The following KCNMB4 variants were observed in gnomAD, a reference collection of about 807,000 sequenced individuals.
KCNMB4 encodes calcium-activated potassium channel subunit beta-4.
In KCNMB4, 3 loss-of-function variants were observed where a neutral mutation model predicts 20.7. The ratio of observed to expected loss-of-function variants is 0.14; its 90% CI spans 0.07 to 0.37. The LOEUF is 0.37. Ranked by LOEUF, KCNMB4 falls within the 10% of genes least tolerant of loss-of-function variation. The pLI, the probability that KCNMB4 is intolerant of heterozygous loss-of-function variation, is 1.00. For missense variants in KCNMB4, 168 were observed against 265.9 expected (o/e 0.63, Z 2.56); for synonymous variants, 110 against 113.4 (o/e 0.97, Z 0.19).
In KCNMB4 at chr12:70,433,675, G is replaced by A. The variant is rs1429183931; in HGVS notation, c.*3022G>A. Reference sequence around the variant, plus strand: ...ACTAGAGTTAAAGACAAAAATGATAGCAGCCAATGGCCCATGCCGTGATAA... The same window carrying A: ...ACTAGAGTTAAAGACAAAAATGATAACAGCCAATGGCCCATGCCGTGATAA... On this transcript the variant is annotated 3_prime_UTR_variant, in exon 3 of 3. Coordinates refer to ENST00000258111, the MANE Select transcript of KCNMB4 (RefSeq NM_014505.6). 6.6e-6 allele frequency: 1 copy of A among 152,270 alleles called. No homozygotes were observed. Among genetic ancestry groups the A allele is most frequent in the Non-Finnish European group, 1.5e-5 (1 of 68,058 alleles). 9.4% of individuals were successfully genotyped at this position (152,270 alleles called of 1,614,324 possible). A position where few individuals can be genotyped will look rare whatever the true frequency, so the allele number is the denominator to read the frequency against.
intron 1 of KCNMB4, among the ~76,000 whole-genome samples, chr12:70,372,716 G>A (rs1883619245): frequency 6.6e-6 from 1 of 152,198 alleles, no homozygotes; most frequent in Non-Finnish European, 1.5e-5. Context: ...GAATCCATGA[G>A]CCTCTGTCCT....
intron 2 of KCNMB4, among the ~76,000 whole-genome samples, chr12:70,428,313 G>A (rs896251633): frequency 6.6e-6 from 1 of 152,180 alleles, no homozygotes; most frequent in African/African-American, 2.4e-5. Context: ...ATTTTAAAAT[G>A]TACACTTCAG....
chr12:70,409,650 C>T (rs1180368094), intron 2 of KCNMB4, among the ~76,000 whole-genome samples: 4 of 152,136 alleles, frequency 2.6e-5, no homozygotes, highest in Non-Finnish European at 1.5e-5. Context: ...GAGGATGCTG[C>T]TATGAGATAT....
chr12:70,423,623 G>A (rs981021130), intron 2 of KCNMB4, among the ~76,000 whole-genome samples: 2 of 152,056 alleles, frequency 1.3e-5, no homozygotes, highest in African/African-American at 2.4e-5. Flanking sequence ...GACTACAGGC[G>A]TATGCCACCA....
chr12:70,381,231 A>G (rs1310392700), intron 1 of KCNMB4, among the ~76,000 whole-genome samples: 1 of 152,212 alleles, frequency 6.6e-6, no homozygotes, highest in African/African-American at 2.4e-5. Flanking sequence ...TGGCTGTAAA[A>G]AAGACAATAA....
chr12:70,421,614 C>T (rs1262903944), intron 2 of KCNMB4, among the ~76,000 whole-genome samples: 4 of 149,952 alleles, frequency 2.7e-5, no homozygotes, highest in Non-Finnish European at 5.9e-5. Context: ...CAGAGTCTCG[C>T]TCTGTCGCCC....
At chr12:70,416,900 G>T (rs989587737) in intron 2 of KCNMB4, among the ~76,000 whole-genome samples, 6 of 152,128 alleles carry the variant, frequency 3.9e-5, no homozygotes, top group Admixed American at 3.9e-4. Flanking sequence ...AAACCGGTGT[G>T]TAATACACTT....
intron 1 of KCNMB4, among the ~76,000 whole-genome samples, chr12:70,377,190 A>G (rs1161915161): frequency 6.6e-6 from 1 of 152,182 alleles, no homozygotes; most frequent in African/African-American, 2.4e-5. Context: ...ATTCACACGG[A>G]AATGCAAGAG....
chr12:70,415,241 G>C (rs565275169), intron 2 of KCNMB4, among the ~76,000 whole-genome samples: 1 of 152,334 alleles, frequency 6.6e-6, no homozygotes, highest in South Asian at 2.1e-4. Flanking sequence ...GCAAGTGACA[G>C]AGCCAGGATT....
intron 2 of KCNMB4, among the ~76,000 whole-genome samples, chr12:70,429,554 C>T (rs2136145295): frequency 6.6e-6 from 1 of 151,412 alleles, no homozygotes; most frequent in East Asian, 2.0e-4. Context: ...GTAGTCCCAG[C>T]TACTCAGGAG....
intron 1 of KCNMB4, among the ~76,000 whole-genome samples, chr12:70,387,583 G>A (rs969260268): frequency 1.3e-5 from 2 of 151,682 alleles, no homozygotes; most frequent in African/African-American, 4.8e-5. Context: ...TGTATTTTTA[G>A]TACAGACGGG....
rs1462827458 is a variant in KCNMB4 at position 70,367,521 on chromosome 12, C to G, written c.336+451C>G. ...GATGGAATGACCTTCCTTGAAAGGT[C>G]GAGGGGACTCTCGAAAGTTGTGAGA... On this transcript the variant is annotated intron_variant, in intron 1 of 2. Coordinates refer to ENST00000258111, the MANE Select transcript of KCNMB4 (RefSeq NM_014505.6). Among the ~76,000 whole-genome samples, 3 of 152,120 alleles carry G rather than the reference C, an allele frequency of 2.0e-5. No homozygotes were observed. The East Asian group carries it at 5.8e-4, about 29-fold the overall frequency.
intron 2 of KCNMB4, among the ~76,000 whole-genome samples, chr12:70,425,480 C>G (rs890617994): frequency 5.9e-5 from 9 of 152,108 alleles, no homozygotes; most frequent in African/African-American, 2.2e-4. Flanking sequence ...ATACTCGCAT[C>G]AAGGCTTTCT....
chr12:70,371,959 G>A (rs575338015), intron 1 of KCNMB4, among the ~76,000 whole-genome samples: 1 of 152,310 alleles, frequency 6.6e-6, no homozygotes, highest in African/African-American at 2.4e-5. Context: ...CAAAATACGT[G>A]AAGGGCTCTT....
At chr12:70,428,117 C>T (rs1345372802) in intron 2 of KCNMB4, among the ~76,000 whole-genome samples, 2 of 151,824 alleles carry the variant, frequency 1.3e-5, no homozygotes, top group African/African-American at 2.4e-5. Context: ...CTCCTGGGCT[C>T]GAGAGATCTC....
intron 2 of KCNMB4, among the ~76,000 whole-genome samples, chr12:70,429,666 CAAAAAAAA>C (rs11320039): frequency 1.7e-5 from 2 of 117,188 alleles, no homozygotes; most frequent in Non-Finnish European, 3.5e-5. Flanking sequence ...GACTCCATCT[CAAAAAAAA>C]AAAAAAAAAA....
chr12:70,413,535 C>T (rs1202885624), intron 2 of KCNMB4, among the ~76,000 whole-genome samples: 1 of 152,116 alleles, frequency 6.6e-6, no homozygotes, highest in Admixed American at 6.5e-5. Context: ...CCTTGGGCTA[C>T]TTATCAAAGA....
chr12:70,377,952 CTTTT>C (rs112757781), intron 1 of KCNMB4, among the ~76,000 whole-genome samples: 2 of 141,750 alleles, frequency 1.4e-5, no homozygotes, highest in Non-Finnish European at 3.1e-5. Context: ...AGCTCTACTT[CTTTT>C]TTTTTTTTTT....
At chr12:70,368,769 GCACA>G (rs780236711) in intron 1 of KCNMB4, among the ~76,000 whole-genome samples, 12 of 151,998 alleles carry the variant, frequency 7.9e-5, no homozygotes, top group African/African-American at 1.4e-4. Flanking sequence ...ACATATATAT[GCACA>G]CACACATTAA....
Sources: gnomAD v4.1 joint callset for allele counts (sites outside exome capture counted in the v4.1 genomes callset) on GRCh38, gnomAD v4.1.1 for gene constraint, MANE v1.5 for transcripts, NCBI Gene and HGNC (gene_info 2026-07-23, HGNC 2026-07-21) for gene names.